The following NCALD variants were observed in gnomAD, a reference collection of about 807,000 sequenced individuals.
The protein encoded by NCALD is neurocalcin delta.
In NCALD, 10 loss-of-function variants were observed where a neutral mutation model predicts 18.6. The observed-to-expected ratio is 0.54, with a 90% confidence interval of 0.33 to 0.91. The LOEUF (loss-of-function observed/expected upper bound fraction) is 0.91, where lower values mean the gene tolerates loss of function less well. NCALD is among the 40% of genes least tolerant of loss of function. NCALD has a pLI of 0.03. For synonymous variants in NCALD, 88 were observed against 87.4 expected (o/e 1.01, Z -0.04); for missense variants, 184 against 247.6 (o/e 0.74, Z 1.72).
At chr8:101,989,434 T>C (rs1298490978) in intron 2 of NCALD, among the ~76,000 whole-genome samples, 1 of 152,224 alleles carries the variant, frequency 6.6e-6, no homozygotes, top group Non-Finnish European at 1.5e-5. Flanking sequence ...ACATTACTTA[T>C]TATAGTTTAA....
chr8:101,777,129 T>A (rs1056102238), intron 1 of NCALD, among the ~76,000 whole-genome samples: 3 of 152,006 alleles, frequency 2.0e-5, no homozygotes, highest in Non-Finnish European at 2.9e-5. Context: ...AAAAAGGAGG[T>A]CACTAGCCCC....
chr8:101,952,464 G>A (rs1380793536), intron 2 of NCALD, among the ~76,000 whole-genome samples: 3 of 152,120 alleles, frequency 2.0e-5, no homozygotes, highest in Non-Finnish European at 1.5e-5. Context: ...GGGGCTGCAG[G>A]CACTAGGCAA....
intron 4 of NCALD, among the ~76,000 whole-genome samples, chr8:101,830,396 A>G (rs543464317): frequency 1.1e-4 from 17 of 152,180 alleles, no homozygotes; most frequent in Non-Finnish European, 2.4e-4. Flanking sequence ...CCCCGTCTGT[A>G]TTAAAAATAC....
In NCALD at chr8:102,087,020, C is replaced by A. The variant is rs1824760564; in HGVS notation, c.-210+37217G>T. ...AAAGGGGGAGATATGAATAACCCAC[C>A]CCTTCCTTAGCATATAATCAAGAAA... On this transcript the variant is annotated intron_variant, in intron 1 of 6. Coordinates refer to the NCALD transcript ENST00000311028. Among the ~76,000 whole-genome samples, 6 of 152,314 alleles carry A rather than the reference C, an allele frequency of 3.9e-5. No homozygotes were observed. In the South Asian group the frequency reaches 1.2e-3, roughly 32 times the overall value.
intron 2 of NCALD, among the ~76,000 whole-genome samples, chr8:101,973,572 A>G (rs1160161345): frequency 3.3e-5 from 5 of 152,328 alleles, no homozygotes; most frequent in African/African-American, 1.2e-4. Context: ...AGAACTAGGA[A>G]TGTCCACTGC....
chr8:101,716,303 A>C (rs1202995011), intron 2 of NCALD, among the ~76,000 whole-genome samples: 1 of 151,824 alleles, frequency 6.6e-6, no homozygotes, highest in Non-Finnish European at 1.5e-5. Flanking sequence ...GAAGCAACAC[A>C]CACCGGGGCC....
chr8:101,976,788 T>G (rs1820439037), intron 2 of NCALD, among the ~76,000 whole-genome samples: 1 of 152,156 alleles, frequency 6.6e-6, no homozygotes, highest in African/African-American at 2.4e-5. Flanking sequence ...CCTGCCCTCA[T>G]GGACATTACA....
At chr8:101,928,097 C>T (rs774626038) in intron 2 of NCALD, among the ~76,000 whole-genome samples, 7 of 152,062 alleles carry the variant, frequency 4.6e-5, no homozygotes, top group Non-Finnish European at 7.4e-5. Flanking sequence ...GCAAAAAAGC[C>T]TCACACAGCA....
chr8:101,874,544 AT>A (rs557625884), intron 4 of NCALD, among the ~76,000 whole-genome samples: 5 of 151,464 alleles, frequency 3.3e-5, no homozygotes, highest in East Asian at 3.9e-4. Flanking sequence ...TCAAAAAAAA[AT>A]TTTTTTTTCT....
At chr8:102,036,362 A>G (rs1430245022) in intron 1 of NCALD, among the ~76,000 whole-genome samples, 1 of 151,766 alleles carries the variant, frequency 6.6e-6, no homozygotes, top group Non-Finnish European at 1.5e-5. Flanking sequence ...TTTTCACTTA[A>G]AAGAGAAAAG....
At position 101,871,848 on chromosome 8, in the gene NCALD, G is replaced by A. The variant is rs1428823454; in HGVS notation, c.-20+15293C>T. On this transcript the variant is annotated intron_variant, in intron 4 of 6. Transcript: ENST00000311028. Reference sequence around the variant, plus strand: ...TGCAGCCTCAGTCACCCTTGGAATCGCTGTCCCTCCTCATGGGGACAGAGC... The same window carrying A: ...TGCAGCCTCAGTCACCCTTGGAATCACTGTCCCTCCTCATGGGGACAGAGC... 8 of 522,324 alleles carry A rather than the reference G, an allele frequency of 1.5e-5. No individual in the cohort carries two copies. In the South Asian group the frequency reaches 1.5e-4, roughly 10 times the overall value. 32.4% of individuals were successfully genotyped at this position (522,324 alleles called of 1,614,324 possible).
chr8:101,738,498 T>G (rs530560271), intron 1 of NCALD, among the ~76,000 whole-genome samples: 1 of 138,216 alleles, frequency 7.2e-6, no homozygotes, highest in African/African-American at 2.8e-5. Flanking sequence ...GAGCCAAGAT[T>G]GCGCCACTGC....
chr8:101,815,443 T>A (rs1258893139), intron 4 of NCALD, among the ~76,000 whole-genome samples: 2 of 152,062 alleles, frequency 1.3e-5, no homozygotes, highest in Non-Finnish European at 1.5e-5. Flanking sequence ...AAAGGACTCT[T>A]AAAACTCAAC....
intron 4 of NCALD, among the ~76,000 whole-genome samples, chr8:101,812,135 T>C (rs1161798655): frequency 1.3e-5 from 2 of 152,180 alleles, no homozygotes; most frequent in Non-Finnish European, 2.9e-5. Flanking sequence ...ATCGGTTTTC[T>C]AAGTAGTTAT....
Position 101,719,412 on chromosome 8 carries a change from T to A in NCALD, c.218A>T (p.Asp73Val). Residue 73 changes from aspartate to valine, a missense_variant, in exon 2 of 4, where the codon GAT becomes GTT. Coordinates refer to ENST00000220931, the MANE Select transcript of NCALD (RefSeq NM_032041.3). The part of the protein sequence containing the change: ...KFAEHVFRTF[D>V]ANGDGTIDFR... ...GTCTATTGTCCCATCTCCATTTGCA[T>A]CGAAGGTGCGGAAGACATGCTCTGC... 6.2e-7 allele frequency: 1 copy of A among 1,614,218 alleles called. No individual in the cohort carries two copies. The highest frequency in any genetic ancestry group is 8.5e-7 in the Non-Finnish European group (1 of 1,180,040).
At chr8:102,012,017 G>T (rs1035462688) in intron 2 of NCALD, among the ~76,000 whole-genome samples, 1 of 152,206 alleles carries the variant, frequency 6.6e-6, no homozygotes, top group Non-Finnish European at 1.5e-5. Context: ...GGAGAAGAAA[G>T]TCAACATTCT....
At chr8:101,950,643 G>A (rs982641795) in intron 2 of NCALD, among the ~76,000 whole-genome samples, 4 of 152,208 alleles carry the variant, frequency 2.6e-5, no homozygotes, top group Admixed American at 1.3e-4. Flanking sequence ...AGAGTACAGT[G>A]AACAAAGCCT....
At chr8:101,708,782 C>T (rs376722191) in intron 2 of NCALD, among the ~76,000 whole-genome samples, 32 of 152,238 alleles carry the variant, frequency 2.1e-4, no homozygotes, top group African/African-American at 7.5e-4. Context: ...TACATGGATC[C>T]CTCCACCCCT....
intron 1 of NCALD, among the ~76,000 whole-genome samples, chr8:101,758,349 T>A (rs1586420595): frequency 6.6e-6 from 1 of 152,264 alleles, no homozygotes; most frequent in East Asian, 1.9e-4. Flanking sequence ...CAGTCTCCAC[T>A]GTTCCTACTC....
Sources: gnomAD v4.1 joint callset for allele counts (sites outside exome capture counted in the v4.1 genomes callset) on GRCh38, gnomAD v4.1.1 for gene constraint, MANE v1.5 for transcripts, NCBI Gene and HGNC (gene_info 2026-07-23, HGNC 2026-07-21) for gene names.